The following ERI1 variants were observed in gnomAD, a reference collection of about 807,000 sequenced individuals.
The protein encoded by ERI1 is 3'-5' exoribonuclease 1.
ERI1 carries 39 observed loss-of-function variants against 39.7 expected under a neutral mutation model. That is an observed-to-expected ratio of 0.98 (90% CI 0.76 to 1.28). The LOEUF (loss-of-function observed/expected upper bound fraction) is 1.28. Ranked by LOEUF, ERI1 falls within the 50% of genes most tolerant of loss-of-function variation. The pLI is 0.00. For missense variants in ERI1, 581 were observed against 416.9 expected, an observed-to-expected ratio of 1.39 and a Z score of -3.43; for synonymous variants, 204 against 149.6, an observed-to-expected ratio of 1.36 and a Z score of -2.65.
chr8:9,040,504 G>T (rs189417711), intron 3 of ERI1, among the ~76,000 whole-genome samples: 2 of 152,060 alleles, frequency 1.3e-5, no homozygotes, highest in East Asian at 1.9e-4. Context: ...TGGATGCCAC[G>T]GTTTTGCTTT....
chr8:9,017,263 A>G (rs753287501), intron 4 of ERI1, among the ~76,000 whole-genome samples: 4 of 151,934 alleles, frequency 2.6e-5, no homozygotes, highest in Non-Finnish European at 5.9e-5. Context: ...GGTGGTCTTG[A>G]AGAACTCCTG....
intron 3 of ERI1, among the ~76,000 whole-genome samples, chr8:9,015,740 A>AAAAAAAAAAAAAAAAG (rs1182633803): frequency 8.1e-5 from 12 of 148,520 alleles, no homozygotes; most frequent in South Asian, 6.3e-4. Context: ...AAAAAAAAAA[A>AAAAAAAAAAAAAAAAG]AGAGACCATC....
At chr8:9,017,503 G>A (rs1817432400) in intron 4 of ERI1, among the ~76,000 whole-genome samples, 1 of 152,182 alleles carries the variant, frequency 6.6e-6, no homozygotes, top group African/African-American at 2.4e-5. Flanking sequence ...GTATGTCTGT[G>A]CAGTGGTCAC....
At chr8:9,098,626 C>A (rs1799954016) in intron 3 of ERI1, among the ~76,000 whole-genome samples, 1 of 152,096 alleles carries the variant, frequency 6.6e-6, no homozygotes, top group Non-Finnish European at 1.5e-5. Context: ...ACAGTGTACA[C>A]TGCTTGGGCA....
In ERI1 at chr8:9,044,551, G is replaced by C. The variant is rs549048877; in HGVS notation, n.299+24087G>C. 2.6e-5 allele frequency among the ~76,000 whole-genome samples: 4 copies of C among 152,226 alleles called. No individual in the cohort carries two copies. The South Asian group carries it at 8.3e-4, about 32-fold the overall frequency. Reference sequence around the variant, plus strand: ...GAGAAATAATTACAATCCATGATGTGGCCAAAGTACACAGAGGACAGTGTA... The same window carrying C: ...GAGAAATAATTACAATCCATGATGTCGCCAAAGTACACAGAGGACAGTGTA... On this transcript the variant is annotated intron_variant and non_coding_transcript_variant, in intron 3 of 3. Coordinates refer to the ERI1 transcript ENST00000518663.
At chr8:9,077,691 G>A (rs1172664932) in intron 3 of ERI1, among the ~76,000 whole-genome samples, 1 of 152,196 alleles carries the variant, frequency 6.6e-6, no homozygotes, top group Non-Finnish European at 1.5e-5. Flanking sequence ...CTGAGCAAGA[G>A]GTCAGACCTT....
chr8:9,044,735 C>A (rs1286682343), intron 3 of ERI1, among the ~76,000 whole-genome samples: 1 of 152,018 alleles, frequency 6.6e-6, no homozygotes, highest in East Asian at 1.9e-4. Context: ...AACACAGAAA[C>A]ATGAAACACC....
intron 3 of ERI1, among the ~76,000 whole-genome samples, chr8:9,081,690 G>T (rs1208594578): frequency 1.2e-4 from 17 of 146,794 alleles, no homozygotes; most frequent in Non-Finnish European, 1.6e-4. Context: ...TTTTGTTTTT[G>T]TTTTTTTTTG....
rs769296162 is a variant in ERI1 at position 9,011,522 on chromosome 8, A to G, written c.288-20A>G. ...CTGTAGAATTTACCTAAGTGTAACT[A>G]GTCTTCTTCTTCTACTTAGAGGAGT... is the stretch of plus-strand genomic sequence containing the variant. On this transcript the variant is annotated intron_variant, in intron 2 of 6. Coordinates refer to ENST00000250263, the MANE Select transcript of ERI1 (RefSeq NM_153332.4). 8 of 1,514,816 alleles carry G rather than the reference A, an allele frequency of 5.3e-6. No homozygotes were observed. In the Admixed American group the frequency reaches 7.5e-5, roughly 14 times the overall value. The allele number at this position is 1,514,816 out of a possible 1,614,324, so 93.8% of individuals were successfully genotyped here.
intron 5 of ERI1, among the ~76,000 whole-genome samples, chr8:9,018,796 A>T (rs996941379): frequency 6.6e-6 from 1 of 151,572 alleles, no homozygotes; most frequent in African/African-American, 2.4e-5. Context: ...TGGCCCAGGA[A>T]TTCACATGGT....
At position 9,018,312 on chromosome 8, in the gene ERI1, G is replaced by T; in HGVS notation, c.598G>T (p.Ala200Ser). 6.2e-7 allele frequency: 1 copy of T among 1,610,382 alleles called. No individual in the cohort carries two copies. The highest frequency in any genetic ancestry group is 8.5e-7 in the Non-Finnish European group (1 of 1,177,056). The part of the protein sequence containing the change: ...TGITQDQVDR[A>S]DTFPQVLKKV... ...ATATCCTCAGGATCAGGTAGACAGA[G>T]CTGATACCTTCCCTCAGGTACTAAA... The change falls in exon 5 of 7, where the codon GCT (alanine) becomes TCT (serine). Residue 200 changes from alanine (A) to serine (S), a missense_variant. By Grantham distance (99) the Ala-to-Ser change is moderately conservative. Transcript: ENST00000250263.
chr8:9,040,799 C>T (rs1025769850), intron 3 of ERI1, among the ~76,000 whole-genome samples: 1 of 151,878 alleles, frequency 6.6e-6, no homozygotes, highest in Non-Finnish European at 1.5e-5. Flanking sequence ...GCTGACAAAA[C>T]GAACTTAGAC....
At chr8:9,049,309 C>T (rs1798277484) in intron 3 of ERI1, among the ~76,000 whole-genome samples, 1 of 122,698 alleles carries the variant, frequency 8.2e-6, no homozygotes, top group African/African-American at 3.2e-5. Flanking sequence ...GTACTCCAGC[C>T]TGGGCGACAG....
At chr8:9,027,543 A>G (rs541825113) in intron 6 of ERI1, among the ~76,000 whole-genome samples, 3 of 152,330 alleles carry the variant, frequency 2.0e-5, no homozygotes, top group Non-Finnish European at 1.5e-5. Context: ...CATCCAAGAA[A>G]TCATTGTCCA....
At position 9,030,165 on chromosome 8, in the gene ERI1, G is replaced by C. The variant is rs1202808662; in HGVS notation, c.*131G>C. Reference sequence around the variant, plus strand: ...ATTTAAAATCTTATTACAGGTGATAGAGATAGATACATGTATGTGAACAGA... The same window carrying C: ...ATTTAAAATCTTATTACAGGTGATACAGATAGATACATGTATGTGAACAGA... On this transcript the variant is annotated 3_prime_UTR_variant, in exon 7 of 7. Transcript: ENST00000250263. The C allele has an allele frequency of 8.3e-7, 1 of 1,204,552 alleles. No individual in the cohort carries two copies. The highest frequency in any genetic ancestry group is 1.5e-5 in the African/African-American group (1 of 65,784). 74.6% of individuals were successfully genotyped at this position (1,204,552 alleles called of 1,614,324 possible).
Position 9,058,159 on chromosome 8 carries a change from A to C in ERI1, n.299+37695A>C, listed in dbSNP as rs1798572170. On this transcript the variant is annotated intron_variant and non_coding_transcript_variant, in intron 3 of 3. Coordinates refer to the ERI1 transcript ENST00000518663. ...CAGGAGCTGGAGGAGAGGGCGGAGC[A>C]GACAGACTGCTGCAAATTACCCAGA... is the stretch of plus-strand genomic sequence containing the variant. 2.0e-5 allele frequency among the ~76,000 whole-genome samples: 3 copies of C among 152,232 alleles called. No individual in the cohort carries two copies. In the South Asian group the frequency reaches 6.2e-4, roughly 31 times the overall value.
intron 3 of ERI1, among the ~76,000 whole-genome samples, chr8:9,045,847 T>C (rs936260304): frequency 6.6e-6 from 1 of 151,850 alleles, no homozygotes; most frequent in South Asian, 2.1e-4. Context: ...TGGCTAATAT[T>C]TTTGTATTTT....
At chr8:9,094,739 A>G (rs2117487944) in intron 3 of ERI1, among the ~76,000 whole-genome samples, 1 of 152,280 alleles carries the variant, frequency 6.6e-6, no homozygotes, top group South Asian at 2.1e-4. Context: ...CTCCTGTAGG[A>G]CGGGCCCTTC....
chr8:9,078,407 C>G (rs113936194), intron 3 of ERI1, among the ~76,000 whole-genome samples: 23 of 152,172 alleles, frequency 1.5e-4, no homozygotes, highest in African/African-American at 5.3e-4. Flanking sequence ...TCCCATTTCA[C>G]AGATAACTCA....
Sources: gnomAD v4.1 joint callset for allele counts (sites outside exome capture counted in the v4.1 genomes callset) on GRCh38, gnomAD v4.1.1 for gene constraint, MANE v1.5 for transcripts, NCBI Gene and HGNC (gene_info 2026-07-23, HGNC 2026-07-21) for gene names.